Variants in FAF1 observed in about 807,000 individuals in gnomAD.
FAF1 encodes FAS-associated factor 1.
A neutral mutation model predicts 92.5 loss-of-function variants in FAF1; 25 were observed. The observed-to-expected ratio is 0.27, with a 90% confidence interval of 0.20 to 0.38. FAF1 has a LOEUF of 0.38. Among genes scored for constraint, FAF1 ranks in the 10% least tolerant of loss-of-function variants. The probability of loss-of-function intolerance (pLI) is 1.00; values close to 1 mark genes in which losing one functional copy is unlikely to be tolerated. For missense variants in FAF1, 636 were observed against 793.3 expected, an observed-to-expected ratio of 0.80 and a Z score of 2.38; for synonymous variants, 234 against 273.2, an observed-to-expected ratio of 0.86 and a Z score of 1.42.
chr1:50,906,297 T>G (rs983492026), intron 1 of FAF1, among the ~76,000 whole-genome samples: 5 of 152,230 alleles, frequency 3.3e-5, no homozygotes, highest in Non-Finnish European at 5.9e-5. Context: ...TAGTATAGTT[T>G]GAAGTCAGGT....
At chr1:50,588,896 T>G (rs774526053) in intron 9 of FAF1, among the ~76,000 whole-genome samples, 2 of 152,188 alleles carry the variant, frequency 1.3e-5, no homozygotes, top group Non-Finnish European at 2.9e-5. Flanking sequence ...CTGGGGTAAG[T>G]GCTGGAGACA....
chr1:50,770,298 AAG>A (rs1660732915), intron 4 of FAF1, among the ~76,000 whole-genome samples: 1 of 152,194 alleles, frequency 6.6e-6, no homozygotes, highest in African/African-American at 2.4e-5. Flanking sequence ...TCCAAATAGG[AAG>A]AGAGGAAGTC....
intron 4 of FAF1, among the ~76,000 whole-genome samples, chr1:50,761,962 C>G (rs1180191860): frequency 5.3e-5 from 8 of 152,058 alleles, no homozygotes; most frequent in Non-Finnish European, 1.2e-4. Flanking sequence ...CCCAAAATCT[C>G]CTTAAGCTGA....
chr1:50,880,581 C>A (rs1313825538), intron 1 of FAF1, among the ~76,000 whole-genome samples: 1 of 152,204 alleles, frequency 6.6e-6, no homozygotes, highest in Admixed American at 6.5e-5. Flanking sequence ...TATGAGGACA[C>A]AGTGAGAAGG....
At chr1:50,571,467 T>C (rs994708239) in intron 12 of FAF1, among the ~76,000 whole-genome samples, 2 of 152,184 alleles carry the variant, frequency 1.3e-5, no homozygotes, top group Non-Finnish European at 2.9e-5. Context: ...GCCTGGCCCA[T>C]AGTAGGTGCT....
At chr1:50,714,905 G>A in intron 6 of FAF1, 1 of 324,342 alleles carries the variant, frequency 3.1e-6, no homozygotes, top group Non-Finnish European at 6.1e-6. Context: ...TGAGTGTCCT[G>A]AGTCCAGACA....
intron 6 of FAF1, among the ~76,000 whole-genome samples, chr1:50,707,281 G>A (rs1452343692): frequency 6.6e-6 from 1 of 151,364 alleles, no homozygotes; most frequent in Non-Finnish European, 1.5e-5. Flanking sequence ...GTTAATTGTA[G>A]ACTATACTTA....
At chr1:50,452,180 G>A (rs895833422) in intron 18 of FAF1, 13 of 1,337,080 alleles carry the variant, frequency 9.7e-6, no homozygotes, top group Non-Finnish European at 1.2e-5. Context: ...CCCCATCCTG[G>A]AAAGTCCTGG....
Position 50,490,638 on chromosome 1 carries a change from C to T in FAF1, c.1603G>A (p.Glu535Lys). The change falls in exon 17 of 19, where the codon GAA (glutamate) becomes AAA (lysine). Residue 535 changes from glutamate to lysine, a missense_variant. By Grantham distance (56) the Glu-to-Lys change is moderately conservative. This residue lies in a region of FAF1 where 319 missense variants were observed against 451.0 expected (regional missense o/e 0.71). Coordinates refer to ENST00000396153, the MANE Select transcript of FAF1 (RefSeq NM_007051.3). ...CGAATCTGCTCCAAACGAAACTGTT[C>T]TGCCATCTCTCTCTCGTGAGCTTCC... is the stretch of plus-strand genomic sequence containing the variant. ...KREAHEREMA[E>K]QFRLEQIRKE... is the part of the protein sequence containing the mutation. 1 of 1,612,772 alleles carries T rather than the reference C, an allele frequency of 6.2e-7. No homozygotes were observed. Among genetic ancestry groups the T allele is most frequent in the Non-Finnish European group, 8.5e-7 (1 of 1,178,734 alleles).
intron 1 of FAF1, among the ~76,000 whole-genome samples, chr1:50,862,878 C>G (rs1027269553): frequency 6.6e-6 from 1 of 151,884 alleles, no homozygotes; most frequent in African/African-American, 2.4e-5. Context: ...CACTGGAGCT[C>G]CCATTTATAA....
chr1:50,576,480 C>T (rs1465124637), intron 12 of FAF1, among the ~76,000 whole-genome samples: 1 of 152,092 alleles, frequency 6.6e-6, no homozygotes, highest in Non-Finnish European at 1.5e-5. Context: ...ATAAGCCCTG[C>T]CATTGAGATT....
chr1:50,673,149 T>C (rs1435232260), intron 7 of FAF1, among the ~76,000 whole-genome samples: 1 of 151,478 alleles, frequency 6.6e-6, no homozygotes, highest in African/African-American at 2.4e-5. Context: ...TCCCAGCTAC[T>C]CAGGAGGCTG....
chr1:50,738,485 C>G (rs1378426224), intron 6 of FAF1, among the ~76,000 whole-genome samples: 1 of 150,836 alleles, frequency 6.6e-6, no homozygotes, highest in East Asian at 1.9e-4. Context: ...GTTTTTCAAG[C>G]TTTACTCTGC....
intron 8 of FAF1, among the ~76,000 whole-genome samples, chr1:50,611,049 AC>A (rs1652663020): frequency 6.6e-6 from 1 of 152,040 alleles, no homozygotes; most frequent in Non-Finnish European, 1.5e-5. Flanking sequence ...ACAAAATCAA[AC>A]CAAAAAGGTA....
intron 6 of FAF1, among the ~76,000 whole-genome samples, chr1:50,721,360 A>G (rs1225680612): frequency 6.6e-6 from 1 of 151,986 alleles, no homozygotes; most frequent in Non-Finnish European, 1.5e-5. Flanking sequence ...GACTACAGGC[A>G]CGCACCACTA....
intron 17 of FAF1, among the ~76,000 whole-genome samples, chr1:50,487,479 TAA>T (rs1646781571): frequency 6.6e-6 from 1 of 152,236 alleles, no homozygotes; most frequent in Admixed American, 6.5e-5. Context: ...TGTATTCATG[TAA>T]GTTTCTTGAA....
At position 50,835,514 on chromosome 1, in the gene FAF1, T is replaced by C. The variant is rs188109139; in HGVS notation, c.114+22415A>G. Among the ~76,000 whole-genome samples, 1,247 of 138,240 alleles carry C rather than the reference T, an allele frequency of 9.0e-3. 18 individuals are homozygous for C. The highest frequency in any genetic ancestry group is 0.033 in the African/African-American group (1,205 of 36,180). 90.7% of individuals were successfully genotyped at this position (138,240 alleles called of 152,430 possible). A position where few individuals can be genotyped will look rare whatever the true frequency, so the allele number is the denominator to read the frequency against. The stretch of plus-strand genomic sequence containing the variant: ...TGAACCCAGGAGGCGGGGGTTGCAG[T>C]GAGCCGACATTGCGCCACTGCACTC... On this transcript the variant is annotated intron_variant, in intron 2 of 18. Coordinates refer to ENST00000396153, the MANE Select transcript of FAF1 (RefSeq NM_007051.3).
Position 50,705,907 on chromosome 1 carries a change from G to A in FAF1, c.552-16C>T, listed in dbSNP as rs1432176725. 1.4e-6 allele frequency: 2 copies of A among 1,476,680 alleles called. No individual in the cohort carries two copies. Among genetic ancestry groups the A allele is most frequent in the Admixed American group, 1.7e-5 (1 of 57,264 alleles). 91.5% of individuals were successfully genotyped at this position (1,476,680 alleles called of 1,614,324 possible). On this transcript the variant is annotated splice_polypyrimidine_tract_variant and intron_variant, in intron 6 of 18. Transcript: ENST00000396153. ...CTGCAGGGCACTGAAAGGGTTGAAA[G>A]AAAAACAAGGAACTCAGAGATGAAC...
intron 1 of FAF1, among the ~76,000 whole-genome samples, chr1:50,872,125 G>A (rs572846642): frequency 3.3e-5 from 5 of 151,666 alleles, no homozygotes; most frequent in African/African-American, 7.3e-5. Flanking sequence ...AGCTGCTGTA[G>A]ATAGTGATTC....
Sources: allele counts gnomAD v4.1 joint callset (sites outside exome capture counted in the v4.1 genomes callset), GRCh38; gene constraint gnomAD v4.1.1; regional missense constraint gnomAD v4.1.1; transcripts MANE v1.5; gene names NCBI Gene and HGNC (gene_info 2026-07-23, HGNC 2026-07-21).